The following GLB1L2 variants were observed in gnomAD, a reference collection of about 807,000 sequenced individuals.
The protein encoded by GLB1L2 is beta-galactosidase-1-like protein 2.
A neutral mutation model predicts 84.1 loss-of-function variants in GLB1L2; 68 were observed. The ratio of observed to expected loss-of-function variants is 0.81; its 90% CI spans 0.67 to 0.99. GLB1L2 has a LOEUF of 0.99. GLB1L2 is among the 50% of genes least tolerant of loss of function. The pLI is 0.00. For synonymous variants in GLB1L2, 290 were observed against 318.0 expected, an observed-to-expected ratio of 0.91 and a Z score of 0.94; for missense variants, 762 against 805.6, an observed-to-expected ratio of 0.95 and a Z score of 0.66.
chr11:134,366,909 G>T, intron 8 of GLB1L2: 1 of 335,438 alleles, frequency 3.0e-6, no homozygotes, highest in Non-Finnish European at 5.7e-6. Flanking sequence ...GTTGTCCTGG[G>T]TAAAACATCC....
intron 5 of GLB1L2, among the ~76,000 whole-genome samples, chr11:134,355,220 T>C (rs571079063): frequency 5.3e-4 from 81 of 152,342 alleles, no homozygotes; most frequent in Admixed American, 1.6e-3. Flanking sequence ...GTTGATATTC[T>C]CTTTTTCTTC....
intron 1 of GLB1L2, among the ~76,000 whole-genome samples, chr11:134,341,772 C>A (rs2136261569): frequency 6.6e-6 from 1 of 152,346 alleles, no homozygotes; most frequent in Non-Finnish European, 1.5e-5. Context: ...CCTGTGGGCA[C>A]CCTGCCCCCT....
chr11:134,344,278 A>G, intron 2 of GLB1L2, 109 bp from the exon 3 acceptor site: 2 of 1,337,306 alleles, frequency 1.5e-6, no homozygotes, highest in African/African-American at 1.4e-5. Flanking sequence ...AATCATGAAG[A>G]AACATATCTT....
At chr11:134,368,108 T>C (rs1040158927) in intron 9 of GLB1L2, among the ~76,000 whole-genome samples, 13 of 152,244 alleles carry the variant, frequency 8.5e-5, no homozygotes, top group African/African-American at 2.7e-4. Context: ...AGTATTAAAA[T>C]AACTTTTAAT....
At position 134,371,741 on chromosome 11, in the gene GLB1L2, G is replaced by C; in HGVS notation, c.1429-11G>C. On this transcript the variant is annotated splice_polypyrimidine_tract_variant and intron_variant, in intron 14 of 18. Coordinates refer to ENST00000535456, the MANE Select transcript of GLB1L2 (RefSeq NM_001370461.1). ...TTCTGACAGTCATCGTTAGCCCCGT[G>C]TTCCCGGCAGGGTTACACCGTGCTG... 6.2e-7 allele frequency: 1 copy of C among 1,613,926 alleles called. No homozygotes were observed. Among genetic ancestry groups the C allele is most frequent in the Non-Finnish European group, 8.5e-7 (1 of 1,179,914 alleles).
At chr11:134,336,309 A>C (rs1324425897) in intron 1 of GLB1L2, among the ~76,000 whole-genome samples, 2 of 152,216 alleles carry the variant, frequency 1.3e-5, no homozygotes, top group African/African-American at 4.8e-5. Flanking sequence ...AAGTGAAAAG[A>C]AACTCCCATT....
intron 1 of GLB1L2, 121 bp downstream of exon 1, chr11:134,332,268 T>C: frequency 1.5e-6 from 1 of 653,616 alleles, no homozygotes; most frequent in Non-Finnish European, 2.5e-6. Flanking sequence ...CCCCAGCTGC[T>C]TCTTTCTGGG....
chr11:134,362,475 G>A (rs1349541812), intron 7 of GLB1L2, among the ~76,000 whole-genome samples: 1 of 152,240 alleles, frequency 6.6e-6, no homozygotes, highest in Non-Finnish European at 1.5e-5. Flanking sequence ...CGCCGGGTGT[G>A]GGAGAGGCTG....
chr11:134,352,678 G>A lies in GLB1L2; in HGVS notation c.559-3623G>A, dbSNP rs148507878. Among the ~76,000 whole-genome samples, 1,415 of 141,796 alleles carry A rather than the reference G, an allele frequency of 1.0e-2. 24 individuals carry two copies. The highest frequency in any genetic ancestry group is 0.036 in the African/African-American group (1,339 of 37,682). The allele number at this position is 141,796 out of a possible 152,430, so 93.0% of individuals were successfully genotyped here. On this transcript the variant is annotated intron_variant, in intron 5 of 18. Transcript: ENST00000535456. ...TTTTTTTTTTTTGAGATGGAGTCTC[G>A]CTCTTGTCGCCCAGGCAGGAGTGCA...
chr11:134,365,234 G>A (rs907991075), intron 8 of GLB1L2, among the ~76,000 whole-genome samples: 1 of 152,196 alleles, frequency 6.6e-6, no homozygotes, highest in Non-Finnish European at 1.5e-5. Context: ...TGTTTGATGT[G>A]GCTTCTCCTG....
At chr11:134,343,372 C>T (rs764198978) in intron 2 of GLB1L2, among the ~76,000 whole-genome samples, 4 of 152,152 alleles carry the variant, frequency 2.6e-5, no homozygotes, top group Non-Finnish European at 5.9e-5. Context: ...CTGTGGTTGC[C>T]ATCCCAGCCT....
Position 134,371,814 on chromosome 11 carries a change from T to G in GLB1L2, c.1491T>G (p.Ile497Met). 6.2e-7 allele frequency: 1 copy of G among 1,614,088 alleles called. No individual in the cohort carries two copies. Among genetic ancestry groups the G allele is most frequent in the South Asian group, 1.1e-5 (1 of 91,068 alleles). The change falls in exon 15 of 19, where the codon ATT becomes ATG. Residue 497 changes from isoleucine (I) to methionine (M), a missense_variant. Coordinates refer to ENST00000535456, the MANE Select transcript of GLB1L2 (RefSeq NM_001370461.1). ...NRGRVNYGEN[I>M]DDQRKGLIGN... ...GGCGAGTCAACTATGGGGAGAATAT[T>G]GATGACCAGCGCAAAGGTGGGTCCC...
chr11:134,365,231 T>C (rs982599456), intron 8 of GLB1L2, among the ~76,000 whole-genome samples: 7 of 152,332 alleles, frequency 4.6e-5, no homozygotes, highest in African/African-American at 1.7e-4. Context: ...GTGTGTTTGA[T>C]GTGGCTTCTC....
intron 7 of GLB1L2, among the ~76,000 whole-genome samples, chr11:134,363,476 T>C (rs1943825469): frequency 6.6e-6 from 1 of 152,184 alleles, no homozygotes; most frequent in Non-Finnish European, 1.5e-5. Context: ...GGCCCCAGGA[T>C]AAGGCTGTGC....
At chr11:134,358,264 C>G (rs1396418610) in intron 6 of GLB1L2, among the ~76,000 whole-genome samples, 1 of 152,262 alleles carries the variant, frequency 6.6e-6, no homozygotes, top group Non-Finnish European at 1.5e-5. Flanking sequence ...GAGCCTTTGG[C>G]TCTGGGTTCA....
At chr11:134,373,698 C>A (rs905218271) in intron 15 of GLB1L2, 23 bp from the exon 16 acceptor site, 3 of 1,543,994 alleles carry the variant, frequency 1.9e-6, no homozygotes, top group Non-Finnish European at 1.8e-6. Context: ...GGGCTACCCA[C>A]GTGTCCTGCC....
chr11:134,341,991 C>CCCAGCACCGGCTCCTGCCCCGGACTCA (rs1591610852), intron 1 of GLB1L2, among the ~76,000 whole-genome samples: 1 of 152,046 alleles, frequency 6.6e-6, no homozygotes, highest in Non-Finnish European at 1.5e-5. Context: ...GACTCAGCCA[C>CCCAGCACCGGCTCCTGCCCCGGACTCA]GCCCTTGTTT....
chr11:134,363,345 G>A (rs1943823922), intron 7 of GLB1L2, among the ~76,000 whole-genome samples: 1 of 152,256 alleles, frequency 6.6e-6, no homozygotes, highest in South Asian at 2.1e-4. Context: ...GGCAATCAGA[G>A]GCTTTCGTCC....
rs1048557605 is a variant in GLB1L2, at chr11:134,367,311, G to T, written c.859G>T (p.Gly287Ter). The change falls in exon 9 of 19, where the codon GGA (glycine) becomes TGA (stop). Residue 287 changes from glycine to a stop codon, truncating the protein, a stop_gained. Coordinates refer to ENST00000535456, the MANE Select transcript of GLB1L2 (RefSeq NM_001370461.1). LOFTEE classifies it high-confidence loss of function. ...EYWTGWFDSW[G>*]GPHNILDSSE... ...CTGGACGGGGTGGTTTGACTCGTGG[G>T]GAGGCCCTCACAATATCTTGGATTC... 1.2e-6 allele frequency: 2 copies of T among 1,614,100 alleles called. No individual in the cohort carries two copies. The highest frequency in any genetic ancestry group is 2.7e-5 in the African/African-American group (2 of 75,048).
Sources: allele counts gnomAD v4.1 joint callset (sites outside exome capture counted in the v4.1 genomes callset), GRCh38; gene constraint gnomAD v4.1.1; transcripts MANE v1.5; gene names NCBI Gene and HGNC (gene_info 2026-07-23, HGNC 2026-07-21).